RAP1B: variants seen among roughly 807,000 people sequenced by gnomAD.
The protein encoded by RAP1B is ras-related protein Rap-1b.
A neutral mutation model predicts 27.5 loss-of-function variants in RAP1B; 1 was observed. The ratio of observed to expected loss-of-function variants is 0.04; its 90% CI spans 0.01 to 0.17. The LOEUF (loss-of-function observed/expected upper bound fraction) is 0.17, where lower values mean the gene tolerates loss of function less well. RAP1B is among the 10% of genes least tolerant of loss of function. The pLI is 1.00. For synonymous variants in RAP1B, 75 were observed against 73.1 expected (o/e 1.03, Z -0.13); for missense variants, 84 against 214.8 (o/e 0.39, Z 3.81).
chr12:68,654,351 T>G lies in RAP1B; in HGVS notation c.324+99T>G, dbSNP rs895107269. On this transcript the variant is annotated intron_variant, in intron 5 of 7. Transcript: ENST00000250559. ...CATTTTAAAGCTTGTGTATTTTGGT[T>G]GGGGGGGGGGTGTTGGTTTTTTTAA... 51 of 165,654 alleles carry G rather than the reference T, an allele frequency of 3.1e-4. No individual in the cohort carries two copies. The highest frequency in any genetic ancestry group is 1.4e-3 in the South Asian group (11 of 7,656). The allele number at this position is 165,654 out of a possible 1,614,324, so 10.3% of individuals were successfully genotyped here.
chr12:68,623,547 AAC>A (rs1871530450), intron 1 of RAP1B, among the ~76,000 whole-genome samples: 2 of 152,246 alleles, frequency 1.3e-5, no homozygotes, highest in African/African-American at 2.4e-5. Flanking sequence ...AGAGTAATCA[AAC>A]ACAATATTAA....
chr12:68,657,819 ATTT>A, intron 7 of RAP1B: 1 of 155,872 alleles, frequency 6.4e-6, no homozygotes. Context: ...ACCGTCCCTA[ATTT>A]AAAACACACA....
At chr12:68,658,592 C>A (rs1874394904) in intron 7 of RAP1B, among the ~76,000 whole-genome samples, 1 of 152,186 alleles carries the variant, frequency 6.6e-6, no homozygotes, top group South Asian at 2.1e-4. Context: ...ACATATTTAA[C>A]AATTCTAAGT....
intron 1 of RAP1B, among the ~76,000 whole-genome samples, chr12:68,630,641 C>G (rs968488070): frequency 6.6e-6 from 1 of 151,740 alleles, no homozygotes; most frequent in Admixed American, 6.6e-5. Flanking sequence ...GGTTTTGGGG[C>G]TTTTTGCTTT....
At chr12:68,618,909 T>A (rs1328207319) in intron 1 of RAP1B, among the ~76,000 whole-genome samples, 1 of 151,988 alleles carries the variant, frequency 6.6e-6, no homozygotes, top group Non-Finnish European at 1.5e-5. Context: ...GGAGGCTAAG[T>A]CCAGCTTGGG....
Position 68,654,238 on chromosome 12 carries a change from A to G in RAP1B, c.310A>G (p.Lys104Glu), listed in dbSNP as rs770763574. 1 of 1,596,230 alleles carries G rather than the reference A, an allele frequency of 6.3e-7. No individual in the cohort carries two copies. The highest frequency in any genetic ancestry group is 8.6e-7 in the Non-Finnish European group (1 of 1,168,332). Residue 104 changes from lysine to glutamate, a missense_variant, in exon 5 of 8, where the codon AAA becomes GAA. Physicochemically the swap from Lys to Glu is moderately conservative, Grantham distance 56. Transcript: ENST00000250559. ...CCTGAGAGAACAGATTCTTCGAGTTAAAGACACTGATGATGTAAGCTGACT... is the reference window on the plus strand; with the variant it reads ...CCTGAGAGAACAGATTCTTCGAGTTGAAGACACTGATGATGTAAGCTGACT... ...QDLREQILRV[K>E]DTDDVPMILV...
chr12:68,616,438 ATTTTTTTTTTTTT>A (rs142174644), intron 1 of RAP1B, among the ~76,000 whole-genome samples: 3 of 89,450 alleles, frequency 3.4e-5, no homozygotes, highest in Non-Finnish European at 6.2e-5. Context: ...TGCCTGGCTA[ATTTTTTTTTTTTT>A]TTTTTTTTTT....
chr12:68,639,605 T>C (rs1380051455), intron 1 of RAP1B, among the ~76,000 whole-genome samples: 1 of 152,232 alleles, frequency 6.6e-6, no homozygotes, highest in Non-Finnish European at 1.5e-5. Context: ...TGATCTGTGT[T>C]GTTTTTGCTA....
At chr12:68,655,309 AC>A (rs898001428) in intron 5 of RAP1B, among the ~76,000 whole-genome samples, 17 of 152,104 alleles carry the variant, frequency 1.1e-4, no homozygotes, top group African/African-American at 4.1e-4. Flanking sequence ...ACATAGTGAG[AC>A]CCTGTCTCAA....
At chr12:68,617,573 A>C (rs1871116388) in intron 1 of RAP1B, among the ~76,000 whole-genome samples, 1 of 152,216 alleles carries the variant, frequency 6.6e-6, no homozygotes, top group Non-Finnish European at 1.5e-5. Context: ...GAAAAGTATA[A>C]AGAAGAAAAT....
chr12:68,654,926 A>G (rs1275043633), intron 5 of RAP1B, among the ~76,000 whole-genome samples: 1 of 152,174 alleles, frequency 6.6e-6, no homozygotes, highest in East Asian at 1.9e-4. Flanking sequence ...CTGAGATCTC[A>G]GAGCTTCTGA....
At chr12:68,653,896 A>AC (rs1233958088) in intron 4 of RAP1B, among the ~76,000 whole-genome samples, 2 of 151,774 alleles carry the variant, frequency 1.3e-5, no homozygotes, top group African/African-American at 2.4e-5. Context: ...GCGCCACTGC[A>AC]CTCCAGCGTG....
Position 68,650,267 on chromosome 12 carries a change from A to G in RAP1B, c.58-133A>G, listed in dbSNP as rs981307392. Reference sequence around the variant, plus strand: ...TTTTCTTACCAAATGTACACATTCGAATGTAGTATTGGCTGTGGTTTTTTT... The same window carrying G: ...TTTTCTTACCAAATGTACACATTCGGATGTAGTATTGGCTGTGGTTTTTTT... On this transcript the variant is annotated intron_variant, in intron 2 of 7. Transcript: ENST00000250559. The G allele has an allele frequency of 7.9e-6, 6 of 756,008 alleles. No individual in the cohort carries two copies. In the African/African-American group the frequency reaches 9.3e-5, roughly 12 times the overall value. The allele number at this position is 756,008 out of a possible 1,614,324, so 46.8% of individuals were successfully genotyped here. A position where few individuals can be genotyped will look rare whatever the true frequency, so the allele number is the denominator to read the frequency against.
chr12:68,612,347 A>T (rs1226224989), intron 1 of RAP1B, among the ~76,000 whole-genome samples: 1 of 152,170 alleles, frequency 6.6e-6, no homozygotes, highest in Non-Finnish European at 1.5e-5. Flanking sequence ...CATTCATTTA[A>T]CTTCAAGCCC....
intron 1 of RAP1B, among the ~76,000 whole-genome samples, chr12:68,647,754 T>G (rs1488921710): frequency 6.6e-6 from 1 of 152,074 alleles, no homozygotes; most frequent in East Asian, 1.9e-4. Flanking sequence ...ATGTGTCTGT[T>G]TAACAGGCCA....
chr12:68,613,112 T>G (rs565450318), intron 1 of RAP1B, among the ~76,000 whole-genome samples: 42 of 152,212 alleles, frequency 2.8e-4, no homozygotes, highest in Admixed American at 4.6e-4. Flanking sequence ...CCCAGCACTT[T>G]GGGAGGCCGA....
At chr12:68,625,037 T>G (rs983763569) in intron 1 of RAP1B, among the ~76,000 whole-genome samples, 2 of 152,212 alleles carry the variant, frequency 1.3e-5, no homozygotes, top group African/African-American at 4.8e-5. Flanking sequence ...TATATACTAA[T>G]GTTCAACGAT....
intron 1 of RAP1B, among the ~76,000 whole-genome samples, chr12:68,617,936 G>C (rs1871138555): frequency 6.6e-6 from 1 of 151,754 alleles, no homozygotes; most frequent in African/African-American, 2.4e-5. Context: ...GCTAATTTTT[G>C]TATTTTTTGT....
rs1874505279 is a variant in RAP1B, at chr12:68,659,898, GAA to G, written c.*650_*651del. On this transcript the variant is annotated 3_prime_UTR_variant, in exon 8 of 8. Coordinates refer to ENST00000250559, the MANE Select transcript of RAP1B (RefSeq NM_001010942.3). Reference sequence around the variant, plus strand: ...AGACGTTGCCTTTAATATCTGTTGGGAAGGAAATGTCCAGACTTTTCAAATCT... The same window carrying G: ...AGACGTTGCCTTTAATATCTGTTGGGGGAAATGTCCAGACTTTTCAAATCT... 2.6e-5 allele frequency: 4 copies of G among 151,486 alleles called. No homozygotes were observed. Among genetic ancestry groups the G allele is most frequent in the African/African-American group, 9.8e-5 (4 of 40,890 alleles). The allele number at this position is 151,486 out of a possible 1,614,324, so 9.4% of individuals were successfully genotyped here.
Sources: gnomAD v4.1 joint callset for allele counts (sites outside exome capture counted in the v4.1 genomes callset) on GRCh38, gnomAD v4.1.1 for gene constraint, MANE v1.5 for transcripts, NCBI Gene and HGNC (gene_info 2026-07-23, HGNC 2026-07-21) for gene names.